The following EYS variants were observed in gnomAD, a reference collection of about 807,000 sequenced individuals.
EYS encodes the protein protein eyes shut homolog.
In EYS, 250 loss-of-function variants were observed where a neutral mutation model predicts 282.1. The observed-to-expected ratio is 0.89, with a 90% CI of 0.80 to 0.98. The LOEUF (loss-of-function observed/expected upper bound fraction) is 0.98. Ranked by LOEUF, EYS falls within the 50% of genes least tolerant of loss-of-function variation. The probability of loss-of-function intolerance (pLI) is 0.00; values close to 1 mark genes in which losing one functional copy is unlikely to be tolerated. For synonymous variants in EYS, 1,355 were observed against 1,282.9 expected (o/e 1.06, Z -1.20); for missense variants, 4,016 against 3,709.0 (o/e 1.08, Z -2.15).
chr6:65,642,697 T>C (rs1197055381), intron 1 of EYS, among the ~76,000 whole-genome samples: 6 of 152,228 alleles, frequency 3.9e-5, no homozygotes, highest in Admixed American at 3.9e-4. Flanking sequence ...CTATTAGTTC[T>C]AGTTTTCCCT....
intron 2 of EYS, among the ~76,000 whole-genome samples, chr6:65,529,688 T>G (rs1380024583): frequency 6.6e-6 from 1 of 152,192 alleles, no homozygotes. Context: ...GATATCATAA[T>G]GCCAGGACGA....
At chr6:64,360,709 T>A (rs1771975537) in intron 29 of EYS, among the ~76,000 whole-genome samples, 1 of 151,770 alleles carries the variant, frequency 6.6e-6, no homozygotes, top group South Asian at 2.1e-4. Flanking sequence ...AGCATAGTCA[T>A]AAAGCCACAG....
intron 22 of EYS, among the ~76,000 whole-genome samples, chr6:64,653,573 T>C (rs1768640458): frequency 6.6e-6 from 1 of 152,088 alleles, no homozygotes; most frequent in African/African-American, 2.4e-5. Flanking sequence ...TAATTGTCTT[T>C]CTTTTCATTT....
chr6:64,943,715 A>G (rs1769177763), intron 15 of EYS, among the ~76,000 whole-genome samples: 1 of 152,162 alleles, frequency 6.6e-6, no homozygotes, highest in African/African-American at 2.4e-5. Context: ...TAATGACACA[A>G]ACAAATGAAA....
At chr6:65,083,793 C>A (rs1774289522) in intron 12 of EYS, among the ~76,000 whole-genome samples, 1 of 151,606 alleles carries the variant, frequency 6.6e-6, no homozygotes, top group Non-Finnish European at 1.5e-5. Context: ...AAATCACTTT[C>A]ATAATATACT....
intron 2 of EYS, among the ~76,000 whole-genome samples, chr6:65,635,278 A>G (rs1767045553): frequency 6.6e-6 from 1 of 152,136 alleles, no homozygotes; most frequent in Non-Finnish European, 1.5e-5. Flanking sequence ...TCCCATCTCT[A>G]TAGCCAACAC....
intron 12 of EYS, among the ~76,000 whole-genome samples, chr6:65,202,340 GA>G (rs557139112): frequency 6.6e-6 from 1 of 152,136 alleles, no homozygotes; most frequent in African/African-American, 2.4e-5. Context: ...AAATAACTTG[GA>G]AAATTATACA....
At chr6:64,271,450 G>T (rs1041657786) in intron 30 of EYS, among the ~76,000 whole-genome samples, 1 of 152,102 alleles carries the variant, frequency 6.6e-6, no homozygotes. Context: ...TTGGGAAACA[G>T]ACATTCTCAT....
chr6:65,328,861 C>G (rs2150309728), intron 11 of EYS, among the ~76,000 whole-genome samples: 1 of 151,186 alleles, frequency 6.6e-6, no homozygotes, highest in East Asian at 1.9e-4. Flanking sequence ...ACCATATAAA[C>G]TGTGGATGCT....
chr6:65,239,926 C>T (rs974756385), intron 12 of EYS, among the ~76,000 whole-genome samples: 2 of 151,684 alleles, frequency 1.3e-5, no homozygotes, highest in South Asian at 2.1e-4. Flanking sequence ...GTACAGAAAA[C>T]ATATCTGATT....
chr6:63,773,574 T>G (rs1220792658), intron 40 of EYS, among the ~76,000 whole-genome samples: 2 of 152,192 alleles, frequency 1.3e-5, no homozygotes, highest in African/African-American at 4.8e-5. Flanking sequence ...GATTAAAAAT[T>G]TACATTTTGC....
At chr6:65,680,310 T>C (rs1004877918) in intron 1 of EYS, among the ~76,000 whole-genome samples, 1 of 151,972 alleles carries the variant, frequency 6.6e-6, no homozygotes, top group Non-Finnish European at 1.5e-5. Flanking sequence ...GAACTAGATT[T>C]GAAAGTTCCA....
Position 65,337,553 on chromosome 6 carries a change from C to T in EYS, c.1600-2407G>A, listed in dbSNP as rs542175911. Among the ~76,000 whole-genome samples the T allele has an allele frequency of 2.6e-5, 4 of 150,944 alleles. No homozygotes were observed. In the South Asian group the frequency reaches 8.3e-4, roughly 31 times the overall value. Reference sequence around the variant, plus strand: ...TCTATATCTACAGGTAGTTTAGCTTCCTGAGATTTGAGACTATATTGAACA... The same window carrying T: ...TCTATATCTACAGGTAGTTTAGCTTTCTGAGATTTGAGACTATATTGAACA... On this transcript the variant is annotated intron_variant, in intron 10 of 42. Coordinates refer to ENST00000503581, the MANE Select transcript of EYS (RefSeq NM_001142800.2).
At chr6:63,993,548 A>T (rs1767700078) in intron 34 of EYS, among the ~76,000 whole-genome samples, 1 of 151,880 alleles carries the variant, frequency 6.6e-6, no homozygotes, top group African/African-American at 2.4e-5. Flanking sequence ...ATCACAAATA[A>T]GAAAACAATT....
intron 31 of EYS, among the ~76,000 whole-genome samples, chr6:64,102,014 T>A (rs1443724957): frequency 6.6e-6 from 1 of 151,504 alleles, no homozygotes; most frequent in Non-Finnish European, 1.5e-5. Context: ...GTAATGAGAG[T>A]GATGGGGAGT....
chr6:64,135,115 G>A (rs1168517629), intron 31 of EYS, among the ~76,000 whole-genome samples: 13 of 152,084 alleles, frequency 8.5e-5, no homozygotes, highest in Admixed American at 7.9e-4. Flanking sequence ...GGGTTTCATA[G>A]AGTAGGTGGT....
chr6:64,885,845 T>A (rs1767068878), intron 19 of EYS, among the ~76,000 whole-genome samples: 1 of 151,814 alleles, frequency 6.6e-6, no homozygotes, highest in Admixed American at 6.6e-5. Flanking sequence ...TTTCCATTTT[T>A]GCTTGCCAAT....
chr6:65,097,131 C>T (rs1463707977), intron 12 of EYS, among the ~76,000 whole-genome samples: 1 of 150,970 alleles, frequency 6.6e-6, no homozygotes. Flanking sequence ...ATATAAGGTA[C>T]TCCTACAATT....
chr6:64,052,693 G>A (rs1770848467), intron 33 of EYS, among the ~76,000 whole-genome samples: 1 of 152,064 alleles, frequency 6.6e-6, no homozygotes, highest in Admixed American at 6.6e-5. Flanking sequence ...ACGTGTTAAG[G>A]GCGGGACCAG....
Sources: gnomAD v4.1 joint callset for allele counts (sites outside exome capture counted in the v4.1 genomes callset) on GRCh38, gnomAD v4.1.1 for gene constraint, MANE v1.5 for transcripts, NCBI Gene and HGNC (gene_info 2026-07-23, HGNC 2026-07-21) for gene names.